PCDHA1: variants seen among roughly 807,000 people sequenced by gnomAD.
PCDHA1 encodes protocadherin alpha 1.
Under a neutral mutation model 61.3 loss-of-function variants are expected in PCDHA1, and 42 were observed. The ratio of observed to expected loss-of-function variants is 0.69; its 90% CI spans 0.54 to 0.89. PCDHA1 has a LOEUF of 0.89. Ranked by LOEUF, PCDHA1 falls within the 40% of genes least tolerant of loss-of-function variation. PCDHA1 has a pLI of 0.00. For missense variants in PCDHA1, 1,256 were observed against 1,235.3 expected, an observed-to-expected ratio of 1.02 and a Z score of -0.25; for synonymous variants, 610 against 553.8, an observed-to-expected ratio of 1.10 and a Z score of -1.43.
chr5:140,857,354 G>A lies in PCDHA1; in HGVS notation c.2394+68670G>A, dbSNP rs1449369579. 2.5e-6 allele frequency: 4 copies of A among 1,598,262 alleles called. No homozygotes were observed. In the African/African-American group the frequency reaches 5.4e-5, roughly 22 times the overall value. ...GGACGGGGGCTCGCCTCCGCTGTGG[G>A]CCACGGCCAGCGTGTCTGTGGAGGT... On this transcript the variant is annotated intron_variant, in intron 1 of 3. Transcript: ENST00000504120.
At chr5:140,828,094 G>A in intron 1 of PCDHA1, 2 of 1,600,150 alleles carry the variant, frequency 1.2e-6, no homozygotes, top group Non-Finnish European at 1.7e-6. Context: ...TATTTGACAT[G>A]GTGTTTACCC....
At chr5:140,921,856 GTA>G (rs1295273364) in intron 1 of PCDHA1, among the ~76,000 whole-genome samples, 4 of 151,824 alleles carry the variant, frequency 2.6e-5, no homozygotes, top group Non-Finnish European at 5.9e-5. Flanking sequence ...AGATGTGTGT[GTA>G]TATATACAGT....
intron 1 of PCDHA1, chr5:140,853,757 T>G: frequency 1.0e-6 from 1 of 988,514 alleles, no homozygotes; most frequent in East Asian, 1.1e-4. Context: ...AGGCTCCACC[T>G]CAGAAATTCT....
chr5:140,938,758 A>T (rs2153638695), intron 1 of PCDHA1, among the ~76,000 whole-genome samples: 1 of 152,274 alleles, frequency 6.6e-6, no homozygotes, highest in African/African-American at 2.4e-5. Flanking sequence ...AGGCATAGTT[A>T]TTGGGTACTA....
At chr5:140,817,274 T>C (rs1766102843) in intron 1 of PCDHA1, 2 of 152,288 alleles carry the variant, frequency 1.3e-5, no homozygotes, top group African/African-American at 2.4e-5. Context: ...TGAATGGAAC[T>C]GTGCTGCTGG....
intron 1 of PCDHA1, among the ~76,000 whole-genome samples, chr5:140,821,071 G>GA: frequency 6.6e-6 from 1 of 151,924 alleles, no homozygotes; most frequent in Non-Finnish European, 1.5e-5. Flanking sequence ...AATAGTTTTA[G>GA]TTGTTTTTGA....
In PCDHA1 at chr5:141,009,929, G is replaced by A; in HGVS notation, c.2845G>A (p.Asp949Asn). The A allele has an allele frequency of 1.2e-6, 2 of 1,603,732 alleles. No individual in the cohort carries two copies. Among genetic ancestry groups the A allele is most frequent in the Non-Finnish European group, 1.7e-6 (2 of 1,176,576 alleles). Residue 949 changes from aspartate to asparagine, a missense_variant, in exon 4 of 4, where the codon GAC (aspartate) becomes AAC (asparagine). Transcript: ENST00000504120. ...AGGGAACAGCACGACTGACAACAGT[G>A]ACCAGTGAGGTCCTCAAATGGAAAC... is the stretch of plus-strand genomic sequence containing the variant. ...EKGNSTTDNSDQ is the reference protein window; with the variant it reads ...EKGNSTTDNSNQ
intron 1 of PCDHA1, among the ~76,000 whole-genome samples, chr5:140,963,771 G>A (rs2095789886): frequency 6.6e-6 from 1 of 152,164 alleles, no homozygotes; most frequent in South Asian, 2.1e-4. Context: ...ATTTCATGAC[G>A]ACAGCAACAA....
chr5:140,834,757 A>G (rs2150225607), intron 1 of PCDHA1: 7 of 1,614,134 alleles, frequency 4.3e-6, no homozygotes, highest in Non-Finnish European at 5.9e-6. Context: ...GAGGTGAAGG[A>G]CATTAACGAC....
chr5:141,007,647 A>T (rs1554261419), intron 3 of PCDHA1, among the ~76,000 whole-genome samples: 1 of 152,174 alleles, frequency 6.6e-6, no homozygotes, highest in Admixed American at 6.5e-5. Context: ...GTATTTGCCT[A>T]AAAAACCATA....
chr5:140,965,168 T>C (rs1484687706), intron 1 of PCDHA1, among the ~76,000 whole-genome samples: 1 of 152,180 alleles, frequency 6.6e-6, no homozygotes, highest in Non-Finnish European at 1.5e-5. Context: ...GACGTTTTAG[T>C]GAGTGCTTTT....
intron 1 of PCDHA1, chr5:140,882,775 C>T (rs1554175564): frequency 2.5e-6 from 4 of 1,614,220 alleles, no homozygotes; most frequent in East Asian, 4.5e-5. Flanking sequence ...CGGCATTGAC[C>T]TACCGACTGG....
At chr5:140,797,531 A>C in intron 1 of PCDHA1, 2 of 774,104 alleles carry the variant, frequency 2.6e-6, no homozygotes, top group Non-Finnish European at 2.1e-6. Context: ...TATTTAAACA[A>C]TCTACATAAC....
intron 1 of PCDHA1, chr5:140,859,616 C>G (rs978716581): frequency 6.2e-6 from 1 of 162,228 alleles, no homozygotes; most frequent in Non-Finnish European, 1.3e-5. Flanking sequence ...TCTTTCCTTT[C>G]TCTTTGAGTA....
intron 1 of PCDHA1, among the ~76,000 whole-genome samples, chr5:140,936,049 C>A (rs1185871662): frequency 1.3e-5 from 2 of 151,974 alleles, no homozygotes; most frequent in African/African-American, 2.4e-5. Context: ...CCCACCACCA[C>A]ACCCGGCTAA....
rs781886985 is a variant in PCDHA1, at chr5:140,796,615, C to T, written c.2394+7931C>T. ...GCCGCCTCTGGGCAGCAACGTGACG[C>T]TGCAGGTGTTCGTGCTGGACGAGAA... On this transcript the variant is annotated intron_variant, in intron 1 of 3. Transcript: ENST00000504120. 6.2e-6 allele frequency: 10 copies of T among 1,611,906 alleles called. No homozygotes were observed. In the East Asian group the frequency reaches 1.1e-4, roughly 18 times the overall value.
chr5:140,967,073 G>T, intron 1 of PCDHA1: 1 of 1,613,160 alleles, frequency 6.2e-7, no homozygotes, highest in Non-Finnish European at 8.5e-7. Flanking sequence ...CTTCGTCAAC[G>T]AGCGCATTGA....
intron 1 of PCDHA1, among the ~76,000 whole-genome samples, chr5:140,941,032 T>C (rs1321810263): frequency 6.6e-6 from 1 of 152,222 alleles, no homozygotes; most frequent in Non-Finnish European, 1.5e-5. Flanking sequence ...CTGGCCTTTT[T>C]GGTGCCAAGT....
At chr5:140,824,610 G>GTTTTTTTTTTTTTTTTTTTTTTT (rs782443702) in intron 1 of PCDHA1, 2 of 95,112 alleles carry the variant, frequency 2.1e-5, no homozygotes, top group African/African-American at 4.9e-5. Flanking sequence ...GCTAATTAAA[G>GTTTTTTTTTTTTTTTTTTTTTTT]TTTTTTTTTT....
Sources: gnomAD v4.1 joint callset for allele counts (sites outside exome capture counted in the v4.1 genomes callset) on GRCh38, gnomAD v4.1.1 for gene constraint, MANE v1.5 for transcripts, NCBI Gene and HGNC (gene_info 2026-07-23, HGNC 2026-07-21) for gene names.